CSMD3: variants seen among roughly 807,000 people sequenced by gnomAD.
CSMD3 encodes the protein CUB and Sushi multiple domains 3.
In CSMD3, 177 loss-of-function variants were observed where a neutral mutation model predicts 435.2. The ratio of observed to expected loss-of-function variants is 0.41; its 90% CI spans 0.36 to 0.46. The LOEUF (loss-of-function observed/expected upper bound fraction) is 0.46, where lower values mean the gene tolerates loss of function less well. CSMD3 is among the 20% of genes least tolerant of loss of function. The probability of loss-of-function intolerance (pLI) is 0.34; values close to 1 mark genes in which losing one functional copy is unlikely to be tolerated. For missense variants in CSMD3, 4,265 were observed against 4,504.6 expected (o/e 0.95, Z 1.52); for synonymous variants, 1,656 against 1,520.5 (o/e 1.09, Z -2.07).
chr8:112,256,171 GT>G (rs1815779288), intron 61 of CSMD3, among the ~76,000 whole-genome samples: 1 of 152,146 alleles, frequency 6.6e-6, no homozygotes, highest in African/African-American at 2.4e-5. Flanking sequence ...ACTTGAACAT[GT>G]CAGTAAACAA....
chr8:112,890,202 C>T (rs1249494390), intron 10 of CSMD3, among the ~76,000 whole-genome samples: 2 of 151,596 alleles, frequency 1.3e-5, no homozygotes, highest in East Asian at 2.0e-4. Flanking sequence ...CAAAATGCAT[C>T]AAGTGACAAT....
chr8:112,711,135 T>C (rs1247241409), intron 13 of CSMD3, among the ~76,000 whole-genome samples: 1 of 152,118 alleles, frequency 6.6e-6, no homozygotes, highest in African/African-American at 2.4e-5. Context: ...CTGATATAAG[T>C]GCTTACAAAT....
chr8:112,686,185 T>A (rs2131808568), intron 14 of CSMD3, among the ~76,000 whole-genome samples: 1 of 152,280 alleles, frequency 6.6e-6, no homozygotes, highest in Non-Finnish European at 1.5e-5. Context: ...TGAGTTCCAT[T>A]TCTATGGTGG....
intron 1 of CSMD3, among the ~76,000 whole-genome samples, chr8:113,327,311 C>T (rs2093990599): frequency 6.6e-6 from 1 of 152,130 alleles, no homozygotes; most frequent in Non-Finnish European, 1.5e-5. Context: ...TCTGGAATGG[C>T]AGAGGGGAGG....
chr8:112,611,720 A>G lies in CSMD3; in HGVS notation c.3716-24485T>C, dbSNP rs184627603. ...TGTTGAGTCATTTTATATTCCCATTACAGATTCTAGCTAATGAAATTAAAT... is the reference window on the plus strand; with the variant it reads ...TGTTGAGTCATTTTATATTCCCATTGCAGATTCTAGCTAATGAAATTAAAT... On this transcript the variant is annotated intron_variant, in intron 22 of 70. Coordinates refer to ENST00000297405, the MANE Select transcript of CSMD3 (RefSeq NM_198123.2). 2.3e-3 allele frequency among the ~76,000 whole-genome samples: 356 copies of G among 152,302 alleles called. 4 individuals are homozygous for G. Among genetic ancestry groups the G allele is most frequent in the Non-Finnish European group, 7.9e-4 (54 of 68,026 alleles).
At chr8:112,510,098 C>T (rs975441526) in intron 28 of CSMD3, among the ~76,000 whole-genome samples, 2 of 152,162 alleles carry the variant, frequency 1.3e-5, no homozygotes, top group African/African-American at 4.8e-5. Context: ...AGAAGCCCTG[C>T]CAGGACTCCA....
intron 50 of CSMD3, 61 bp downstream of exon 50, chr8:112,310,917 A>T: frequency 7.2e-7 from 1 of 1,387,742 alleles, no homozygotes; most frequent in Non-Finnish European, 1.0e-6. Context: ...CCAAATAAAA[A>T]CGTTAAATGG....
intron 1 of CSMD3, among the ~76,000 whole-genome samples, chr8:113,414,417 T>C (rs77811635): frequency 0.018 from 2,738 of 152,182 alleles, 94 homozygotes; most frequent in African/African-American, 0.06. Context: ...AAACTTATGA[T>C]TGATCTAGTC....
intron 42 of CSMD3, among the ~76,000 whole-genome samples, chr8:112,338,357 G>A (rs187945488): frequency 1.3e-5 from 2 of 152,178 alleles, no homozygotes; most frequent in Non-Finnish European, 2.9e-5. Context: ...TTTTGTATGA[G>A]ATCAAAGTTC....
intron 13 of CSMD3, among the ~76,000 whole-genome samples, chr8:112,704,335 A>T (rs1193457503): frequency 6.6e-6 from 1 of 152,132 alleles, no homozygotes; most frequent in East Asian, 1.9e-4. Context: ...ATAAAAAACT[A>T]TGCTTTTCTT....
In CSMD3 at chr8:112,921,622, AT is replaced by A. The variant is rs2082746629; in HGVS notation, c.1633+4del. ...TGTTCAGAGGGCATTATTATAAAACATTACCTTTACACACAGGCCTGTGATC... is the reference window on the plus strand; with the variant it reads ...TGTTCAGAGGGCATTATTATAAAACATACCTTTACACACAGGCCTGTGATC... On this transcript the variant is annotated splice_donor_region_variant and intron_variant, in intron 10 of 70. Coordinates refer to ENST00000297405, the MANE Select transcript of CSMD3 (RefSeq NM_198123.2). 1.9e-6 allele frequency: 3 copies of A among 1,611,118 alleles called. No homozygotes were observed. Among genetic ancestry groups the A allele is most frequent in the East Asian group, 4.5e-5 (2 of 44,756 alleles).
At chr8:113,088,170 A>G (rs1305002581) in intron 5 of CSMD3, among the ~76,000 whole-genome samples, 1 of 150,216 alleles carries the variant, frequency 6.7e-6, no homozygotes, top group African/African-American at 2.5e-5. Flanking sequence ...ATACCATCTC[A>G]CACCAGTTAG....
intron 35 of CSMD3, among the ~76,000 whole-genome samples, chr8:112,401,636 C>T (rs1010731830): frequency 6.6e-6 from 1 of 152,170 alleles, no homozygotes; most frequent in African/African-American, 2.4e-5. Context: ...TTTAAGTACA[C>T]TCCTCAACCA....
intron 55 of CSMD3, among the ~76,000 whole-genome samples, chr8:112,292,258 A>G (rs1445517510): frequency 1.3e-5 from 2 of 152,166 alleles, no homozygotes; most frequent in Non-Finnish European, 2.9e-5. Context: ...ACAGATACAA[A>G]TAAGAGAGTT....
chr8:113,366,483 C>G lies in CSMD3; in HGVS notation c.179-51690G>C, dbSNP rs76808534. Reference sequence around the variant, plus strand: ...ATTTGATTTAAAAGGTTGTTTTATACAATAATTTTAATTTATAATCTGCAA... The same window carrying G: ...ATTTGATTTAAAAGGTTGTTTTATAGAATAATTTTAATTTATAATCTGCAA... On this transcript the variant is annotated intron_variant, in intron 1 of 70. Transcript: ENST00000297405. Among the ~76,000 whole-genome samples, 1,013 of 152,084 alleles carry G rather than the reference C, an allele frequency of 6.7e-3. 11 individuals carry two copies. Among genetic ancestry groups the G allele is most frequent in the African/African-American group, 0.022 (907 of 41,522 alleles).
chr8:112,289,965 G>T (rs1441706436), intron 56 of CSMD3, among the ~76,000 whole-genome samples: 3 of 152,046 alleles, frequency 2.0e-5, no homozygotes, highest in African/African-American at 7.2e-5. Flanking sequence ...GATTTAAAGT[G>T]AAGCAATACA....
At chr8:112,319,868 A>T in intron 46 of CSMD3, 33 bp downstream of exon 46, 1 of 1,454,504 alleles carries the variant, frequency 6.9e-7, no homozygotes, top group Middle Eastern at 1.7e-4. Context: ...TGCCAGCAGT[A>T]TGTTTTCCTT....
chr8:113,086,971 T>C (rs1371222478), intron 5 of CSMD3, among the ~76,000 whole-genome samples: 2 of 152,224 alleles, frequency 1.3e-5, no homozygotes, highest in Non-Finnish European at 2.9e-5. Flanking sequence ...GTCATCTCTT[T>C]TAATATCTGA....
chr8:113,407,658 G>A (rs1014277455), intron 1 of CSMD3, among the ~76,000 whole-genome samples: 15 of 152,116 alleles, frequency 9.9e-5, no homozygotes, highest in Middle Eastern at 3.4e-3. Flanking sequence ...CATTTCCACT[G>A]TGGAAATATC....
Sources: gnomAD v4.1 joint callset for allele counts (sites outside exome capture counted in the v4.1 genomes callset) on GRCh38, gnomAD v4.1.1 for gene constraint, MANE v1.5 for transcripts, NCBI Gene and HGNC (gene_info 2026-07-23, HGNC 2026-07-21) for gene names.